ULBP1: variants seen among roughly 807,000 people sequenced by gnomAD.
ULBP1 encodes UL16 binding protein 1, also known as UL16-binding protein 1.
In ULBP1, 28 loss-of-function variants were observed where a neutral mutation model predicts 25.3. That is an observed-to-expected ratio of 1.10 (90% confidence interval 0.82 to 1.51). ULBP1 has a LOEUF of 1.51. Among genes scored for constraint, ULBP1 ranks in the 40% most tolerant of loss-of-function variants. The pLI, the probability that ULBP1 is intolerant of heterozygous loss-of-function variation, is 0.00. For missense variants in ULBP1, 348 were observed against 290.9 expected (o/e 1.20, Z -1.43); for synonymous variants, 129 against 103.0 (o/e 1.25, Z -1.53).
chr6:149,965,410 C>T (rs1056140276), intron 1 of ULBP1, among the ~76,000 whole-genome samples: 11 of 152,232 alleles, frequency 7.2e-5, no homozygotes, highest in African/African-American at 2.4e-4. Context: ...CACCGCAGTC[C>T]AGGGGGAGTG....
In ULBP1 at chr6:149,971,917, T is replaced by C. The variant is rs1282553056; in HGVS notation, c.*571T>C. ...TCACTGTAATCTCCAGCTCCTGGGC[T>C]CAAGTGATCCTCTAGACTCAGCCTC... On this transcript the variant is annotated 3_prime_UTR_variant, in exon 5 of 5. Transcript: ENST00000229708. 1.3e-5 allele frequency: 2 copies of C among 152,212 alleles called. No individual in the cohort carries two copies. The highest frequency in any genetic ancestry group is 1.5e-5 in the Non-Finnish European group (1 of 68,040). 9.4% of individuals were successfully genotyped at this position (152,212 alleles called of 1,614,324 possible).
chr6:149,967,151 A>G (rs1462312053), intron 1 of ULBP1, among the ~76,000 whole-genome samples: 5 of 152,238 alleles, frequency 3.3e-5, no homozygotes, highest in Admixed American at 3.3e-4. Context: ...GAATGGGTCT[A>G]TGAACCCAGC....
chr6:149,964,198 G>A, intron 1 of ULBP1, 64 bp downstream of exon 1: 1 of 1,577,472 alleles, frequency 6.3e-7, no homozygotes, highest in Non-Finnish European at 8.7e-7. Flanking sequence ...GGACTGCAGC[G>A]GGTTTCAGAG....
At chr6:149,965,703 G>A (rs991862285) in intron 1 of ULBP1, among the ~76,000 whole-genome samples, 10 of 151,994 alleles carry the variant, frequency 6.6e-5, no homozygotes, top group Admixed American at 3.3e-4. Flanking sequence ...CTGGAACTTC[G>A]CCCCTACACT....
Position 149,964,122 on chromosome 6 carries a change from G to A in ULBP1, c.73G>A (p.Ala25Thr). 6.2e-7 allele frequency: 1 copy of A among 1,614,208 alleles called. No homozygotes were observed. Among genetic ancestry groups the A allele is most frequent in the Non-Finnish European group, 8.5e-7 (1 of 1,180,022 alleles). The change falls in exon 1 of 5, where the codon GCA (alanine) becomes ACA (threonine). Residue 25 changes from alanine to threonine, a missense_variant. Coordinates refer to ENST00000229708, the MANE Select transcript of ULBP1 (RefSeq NM_025218.4). Reference sequence around the variant, plus strand: ...GCACCTGCTGTCTGGCTGGTCCCGGGCAGGATGGGTCGGTGAGTTCGGGGA... The same window carrying A: ...GCACCTGCTGTCTGGCTGGTCCCGGACAGGATGGGTCGGTGAGTTCGGGGA... ...LLHLLSGWSR[A>T]GWVDTHCLCY...
rs541800405 is a variant in ULBP1 at position 149,972,021 on chromosome 6, A to G, written c.*675A>G. On this transcript the variant is annotated 3_prime_UTR_variant, in exon 5 of 5. Transcript: ENST00000229708. ...TTTTAGGTAGAGGTAGGGTCTTCCT[A>G]TGTTGCCCAGGATGGTCTTCAAATC... The G allele has an allele frequency of 1.3e-5, 2 of 152,240 alleles. No homozygotes were observed. The highest frequency in any genetic ancestry group is 2.1e-4 in the South Asian group (1 of 4,822). 9.4% of individuals were successfully genotyped at this position (152,240 alleles called of 1,614,324 possible). A position where few individuals can be genotyped will look rare whatever the true frequency, so the allele number is the denominator to read the frequency against.
rs199982303 is a variant in ULBP1 at position 149,968,753 on chromosome 6, G to C, written c.232G>C (p.Gly78Arg). 1.8e-4 allele frequency: 294 copies of C among 1,614,202 alleles called. No homozygotes were observed. In the East Asian group the frequency reaches 6.0e-3, roughly 33 times the overall value. ...NHKAKAFASL[G>R]KKVNVTKTWE... ...CAAGGCCAAAGCCTTTGCTTCTCTG[G>C]GGAAGAAAGTCAATGTCACAAAAAC... The change falls in exon 2 of 5, where the codon GGG becomes CGG. Residue 78 changes from glycine to arginine, a missense_variant. Transcript: ENST00000229708.
In ULBP1 at chr6:149,973,214, A is replaced by G. The variant is rs2114719990; in HGVS notation, c.*1868A>G. 1 of 152,362 alleles carries G rather than the reference A, an allele frequency of 6.6e-6. No homozygotes were observed. Among genetic ancestry groups the G allele is most frequent in the Admixed American group, 6.5e-5 (1 of 15,300 alleles). 9.4% of individuals were successfully genotyped at this position (152,362 alleles called of 1,614,324 possible). On this transcript the variant is annotated 3_prime_UTR_variant, in exon 5 of 5. Transcript: ENST00000229708. ...CAACTAGAGGCTATTATCCTAAGCA[A>G]CCTAATGCAAGAACAGAAAACCACA...
chr6:149,972,722 G>A lies in ULBP1; in HGVS notation c.*1376G>A, dbSNP rs898228465. On this transcript the variant is annotated 3_prime_UTR_variant, in exon 5 of 5. Transcript: ENST00000229708. Reference sequence around the variant, plus strand: ...CATGAACAGACACTTTTCAAAAGAAGACCTACAATTGGCCAACAAACATGA... The same window carrying A: ...CATGAACAGACACTTTTCAAAAGAAAACCTACAATTGGCCAACAAACATGA... The A allele has an allele frequency of 6.6e-6, 1 of 151,632 alleles. No homozygotes were observed. Among genetic ancestry groups the A allele is most frequent in the African/African-American group, 2.4e-5 (1 of 41,154 alleles). The allele number at this position is 151,632 out of a possible 1,614,324, so 9.4% of individuals were successfully genotyped here.
rs537143763 is a variant in ULBP1, at chr6:149,964,232, G to A, written c.85+98G>A. On this transcript the variant is annotated intron_variant, in intron 1 of 4. Coordinates refer to ENST00000229708, the MANE Select transcript of ULBP1 (RefSeq NM_025218.4). ...AGGAGGGGAGGCTTCTGGAAGGACCGGCGCGATCTCCCTGAACGAACATCG... is the reference window on the plus strand; with the variant it reads ...AGGAGGGGAGGCTTCTGGAAGGACCAGCGCGATCTCCCTGAACGAACATCG... The A allele has an allele frequency of 1.8e-5, 25 of 1,359,928 alleles. No homozygotes were observed. The African/African-American group carries it at 2.9e-4, about 16-fold the overall frequency. The allele number at this position is 1,359,928 out of a possible 1,614,324, so 84.2% of individuals were successfully genotyped here.
At position 149,969,358 on chromosome 6, in the gene ULBP1, C is replaced by A. The variant is rs752844227; in HGVS notation, c.623C>A (p.Thr208Lys). 1.9e-6 allele frequency: 3 copies of A among 1,612,014 alleles called. No individual in the cohort carries two copies. Among genetic ancestry groups the A allele is most frequent in the South Asian group, 2.2e-5 (2 of 90,970 alleles). ...LMYWEQMLDPTKPPSLAPGTT... is the reference protein window; with the variant it reads ...LMYWEQMLDPKKPPSLAPGTT... ...TACTGGGAACAAATGCTGGATCCAA[C>A]AAGTAAGTGAGAGGGGGATAAATGG... Residue 208 changes from threonine to lysine, a missense_variant and splice_region_variant, in exon 3 of 5, where the codon ACA (threonine) becomes AAA (lysine). Thr to Lys is a moderately conservative substitution (Grantham distance 78). Coordinates refer to ENST00000229708, the MANE Select transcript of ULBP1 (RefSeq NM_025218.4).
intron 1 of ULBP1, among the ~76,000 whole-genome samples, chr6:149,965,168 CGG>C (rs1160903462): frequency 4.2e-5 from 5 of 118,802 alleles, no homozygotes; most frequent in African/African-American, 1.8e-4. Context: ...CAGAACATCG[CGG>C]CCTCCCCGAA....
In ULBP1 at chr6:149,969,266, T is replaced by A. The variant is rs777983411; in HGVS notation, c.531T>A (p.Asp177Glu). ...CAGAGAAGTGGGAGAAGAACAGGGA[T>A]GTGACCATGTTCTTCCAGAAGATTT... The part of the protein sequence containing the change: ...KMTEKWEKNR[D>E]VTMFFQKISL... The change falls in exon 3 of 5, where the codon GAT becomes GAA. Residue 177 changes from aspartate (D) to glutamate (E), a missense_variant. Physicochemically the swap from Asp to Glu is conservative, Grantham distance 45. Coordinates refer to ENST00000229708, the MANE Select transcript of ULBP1 (RefSeq NM_025218.4). 23 of 1,614,142 alleles carry A rather than the reference T, an allele frequency of 1.4e-5. No homozygotes were observed. Among genetic ancestry groups the A allele is most frequent in the Non-Finnish European group, 1.9e-5 (22 of 1,180,056 alleles).
At chr6:149,970,932 A>C (rs1019725058) in intron 4 of ULBP1, among the ~76,000 whole-genome samples, 9 of 152,242 alleles carry the variant, frequency 5.9e-5, no homozygotes, top group African/African-American at 2.2e-4. Flanking sequence ...GGACAGTCCC[A>C]TTCAGAGCTA....
In ULBP1 at chr6:149,973,669, T is replaced by C. The variant is rs775437925; in HGVS notation, c.*2323T>C. The C allele has an allele frequency of 1.3e-5, 2 of 152,352 alleles. No individual in the cohort carries two copies. The highest frequency in any genetic ancestry group is 2.9e-5 in the Non-Finnish European group (2 of 68,020). 9.4% of individuals were successfully genotyped at this position (152,352 alleles called of 1,614,324 possible). ...ATGATAATTGTATAATAATTATACA[T>C]GAAAGTGCCAAAACCCTACAATTAA... On this transcript the variant is annotated 3_prime_UTR_variant, in exon 5 of 5. Coordinates refer to ENST00000229708, the MANE Select transcript of ULBP1 (RefSeq NM_025218.4).
chr6:149,965,890 GACCAACTAGC>G (rs1779196284), intron 1 of ULBP1, among the ~76,000 whole-genome samples: 1 of 151,612 alleles, frequency 6.6e-6, no homozygotes, highest in Non-Finnish European at 1.5e-5. Context: ...CACCTCCCCC[GACCAACTAGC>G]ACCTTGTCCC....
chr6:149,967,193 T>C (rs1216978408), intron 1 of ULBP1, among the ~76,000 whole-genome samples: 2 of 152,202 alleles, frequency 1.3e-5, no homozygotes, highest in Non-Finnish European at 2.9e-5. Flanking sequence ...GACAGAGGTG[T>C]CCATCTGTTA....
intron 1 of ULBP1, 36 bp from the exon 2 acceptor site, chr6:149,968,571 C>T (rs4870163): frequency 0.082 from 129,816 of 1,581,544 alleles, 8,370 homozygotes; most frequent in East Asian, 0.38. Context: ...TCCATTTCCC[C>T]CCACACCAAC....
rs1277874158 is a variant in ULBP1 at position 149,972,432 on chromosome 6, T to C, written c.*1086T>C. 2.0e-5 allele frequency: 3 copies of C among 152,292 alleles called. No individual in the cohort carries two copies. Among genetic ancestry groups the C allele is most frequent in the South Asian group, 4.1e-4 (2 of 4,828 alleles). 9.4% of individuals were successfully genotyped at this position (152,292 alleles called of 1,614,324 possible). A position where few individuals can be genotyped will look rare whatever the true frequency, so the allele number is the denominator to read the frequency against. ...GAATATAACCTAAGAAATACCAATG[T>C]GGACATAGGGCCTGGCAAAGATTTC... On this transcript the variant is annotated 3_prime_UTR_variant, in exon 5 of 5. Transcript: ENST00000229708.
Sources: gnomAD v4.1 joint callset for allele counts (sites outside exome capture counted in the v4.1 genomes callset) on GRCh38, gnomAD v4.1.1 for gene constraint, MANE v1.5 for transcripts, NCBI Gene and HGNC (gene_info 2026-07-23, HGNC 2026-07-21) for gene names.